Variants in CYP2C19 observed in about 807,000 individuals in gnomAD.
The protein encoded by CYP2C19 is cytochrome P450 family 2 subfamily C member 19.
CYP2C19 carries 59 observed loss-of-function variants against 40.9 expected under a neutral mutation model. The observed-to-expected ratio is 1.44, with a 90% CI of 1.17 to 1.79. The LOEUF is 1.79. CYP2C19 is among the 40% of genes most tolerant of loss of function. The probability of loss-of-function intolerance (pLI) is 0.00; values close to 1 mark genes in which losing one functional copy is unlikely to be tolerated. For synonymous variants in CYP2C19, 253 were observed against 208.7 expected (o/e 1.21, Z -1.83); for missense variants, 754 against 596.9 (o/e 1.26, Z -2.74).
intron 6 of CYP2C19, among the ~76,000 whole-genome samples, chr10:94,834,153 T>C (rs1048372893): frequency 1.3e-5 from 2 of 152,190 alleles, no homozygotes; most frequent in Non-Finnish European, 2.9e-5. Flanking sequence ...ATTGGGATAA[T>C]TTTTATTACA....
At chr10:94,812,440 G>T (rs904046846) in intron 5 of CYP2C19, among the ~76,000 whole-genome samples, 3 of 151,822 alleles carry the variant, frequency 2.0e-5, no homozygotes, top group African/African-American at 7.3e-5. Context: ...GATTGTGGAA[G>T]TTCTCCTGGA....
rs968662125 is a variant in CYP2C19, at chr10:94,851,932, A to T, written c.1292-801A>T. ...AACATGATGTTGAGGAATCCCAGGG[A>T]AACGAACATTTTCTTGCTCAGTGAG... On this transcript the variant is annotated intron_variant, in intron 8 of 8. Coordinates refer to ENST00000371321, the MANE Select transcript of CYP2C19 (RefSeq NM_000769.4). Among the ~76,000 whole-genome samples, 11 of 152,212 alleles carry T rather than the reference A, an allele frequency of 7.2e-5. 1 individual carries two copies. Among genetic ancestry groups the T allele is most frequent in the Admixed American group, 7.2e-4 (11 of 15,272 alleles).
At chr10:94,845,765 T>C (rs1170368582) in intron 7 of CYP2C19, among the ~76,000 whole-genome samples, 1 of 152,144 alleles carries the variant, frequency 6.6e-6, no homozygotes, top group Non-Finnish European at 1.5e-5. Flanking sequence ...AGTACTTATT[T>C]ATAAATATTC....
intron 1 of CYP2C19, among the ~76,000 whole-genome samples, chr10:94,770,392 T>G (rs772332552): frequency 6.6e-6 from 1 of 152,150 alleles, no homozygotes; most frequent in East Asian, 1.9e-4. Flanking sequence ...ACTGGGTGAT[T>G]GGCCTGCTAT....
At chr10:94,813,134 A>G (rs1250577668) in intron 5 of CYP2C19, among the ~76,000 whole-genome samples, 1 of 151,978 alleles carries the variant, frequency 6.6e-6, no homozygotes, top group African/African-American at 2.4e-5. Context: ...CTTCTGCTGC[A>G]GGTCTGCTGG....
intron 6 of CYP2C19, among the ~76,000 whole-genome samples, chr10:94,837,224 T>C (rs550336364): frequency 1.3e-4 from 20 of 152,200 alleles, no homozygotes; most frequent in African/African-American, 4.6e-4. Flanking sequence ...AAAATTGGAG[T>C]ATTGCAGGGG....
chr10:94,766,863 G>A (rs185793760), intron 1 of CYP2C19, among the ~76,000 whole-genome samples: 94 of 152,194 alleles, frequency 6.2e-4, no homozygotes, highest in African/African-American at 2.1e-3. Context: ...AGTGGGGTTA[G>A]AGAGGATTAC....
At chr10:94,796,131 G>T (rs1222508266) in intron 5 of CYP2C19, among the ~76,000 whole-genome samples, 2 of 152,104 alleles carry the variant, frequency 1.3e-5, no homozygotes, top group African/African-American at 2.4e-5. Flanking sequence ...TATGGTTTTA[G>T]GTCTAACATG....
In CYP2C19 at chr10:94,816,149, G is replaced by A. The variant is rs539803793; in HGVS notation, c.820-4347G>A. ...CAGCTAACTGCAGAGTCTGACAAAT[G>A]GAATTTTTAAGCAAGCATGGAATAA... On this transcript the variant is annotated intron_variant, in intron 5 of 8. Transcript: ENST00000371321. Among the ~76,000 whole-genome samples the A allele has an allele frequency of 1.1e-4, 17 of 151,940 alleles. No homozygotes were observed. In the South Asian group the frequency reaches 2.5e-3, roughly 22 times the overall value.
At chr10:94,785,067 T>A (rs1848524652) in intron 5 of CYP2C19, among the ~76,000 whole-genome samples, 1 of 152,166 alleles carries the variant, frequency 6.6e-6, no homozygotes, top group Non-Finnish European at 1.5e-5. Context: ...TTCAAAACAT[T>A]AAACTCTTAC....
intron 6 of CYP2C19, 138 bp downstream of exon 6, chr10:94,820,775 T>C (rs1314975694): frequency 9.0e-6 from 10 of 1,106,200 alleles, no homozygotes; most frequent in Admixed American, 2.1e-5. Context: ...TGTCCCAATT[T>C]AATGGTGTGA....
chr10:94,848,884 T>A (rs1229423260), intron 7 of CYP2C19, among the ~76,000 whole-genome samples: 1 of 152,208 alleles, frequency 6.6e-6, no homozygotes, highest in Non-Finnish European at 1.5e-5. Context: ...TGTTTGTCTG[T>A]TATTGGTGTA....
At chr10:94,816,270 T>G (rs184456457) in intron 5 of CYP2C19, among the ~76,000 whole-genome samples, 259 of 150,352 alleles carry the variant, frequency 1.7e-3, no homozygotes, top group African/African-American at 6.0e-3. Flanking sequence ...ATTTTTATTT[T>G]TATTTTTTTT....
chr10:94,796,800 A>G (rs1848695023), intron 5 of CYP2C19, among the ~76,000 whole-genome samples: 1 of 151,748 alleles, frequency 6.6e-6, no homozygotes, highest in African/African-American at 2.4e-5. Flanking sequence ...TCTGTCTGTT[A>G]TTGGTGTATA....
chr10:94,782,501 C>G (rs1848492425), intron 5 of CYP2C19, among the ~76,000 whole-genome samples: 1 of 152,080 alleles, frequency 6.6e-6, no homozygotes, highest in Admixed American at 6.6e-5. Context: ...AATGTTTTTA[C>G]TCTGTTTGTG....
intron 1 of CYP2C19, among the ~76,000 whole-genome samples, chr10:94,769,382 C>T (rs569464400): frequency 7.2e-5 from 11 of 152,240 alleles, no homozygotes; most frequent in African/African-American, 2.2e-4. Flanking sequence ...TAAGTTGGGA[C>T]GTGTGGTCTG....
chr10:94,830,125 C>T (rs944876575), intron 6 of CYP2C19, among the ~76,000 whole-genome samples: 10 of 152,192 alleles, frequency 6.6e-5, no homozygotes, highest in African/African-American at 2.4e-4. Context: ...TGTGCCCTGC[C>T]CCCAGAGGTG....
At chr10:94,765,733 G>A (rs1362083344) in intron 1 of CYP2C19, among the ~76,000 whole-genome samples, 1 of 152,094 alleles carries the variant, frequency 6.6e-6, no homozygotes, top group Non-Finnish European at 1.5e-5. Context: ...TAAGCAGGGA[G>A]GAGGTGATGA....
intron 5 of CYP2C19, among the ~76,000 whole-genome samples, chr10:94,816,651 A>G (rs950851691): frequency 6.6e-6 from 1 of 151,160 alleles, no homozygotes; most frequent in Admixed American, 6.6e-5. Flanking sequence ...ATATGTATAC[A>G]TGTGCCATCC....
Sources: allele counts gnomAD v4.1 joint callset (sites outside exome capture counted in the v4.1 genomes callset), GRCh38; gene constraint gnomAD v4.1.1; transcripts MANE v1.5; gene names NCBI Gene and HGNC (gene_info 2026-07-23, HGNC 2026-07-21).